Variants in EPB41L4A observed in about 807,000 individuals in gnomAD.
The protein encoded by EPB41L4A is band 4.1-like protein 4A.
In EPB41L4A, 100 loss-of-function variants were observed where a neutral mutation model predicts 108.6. The observed-to-expected ratio is 0.92, with a 90% CI of 0.78 to 1.09. The LOEUF (loss-of-function observed/expected upper bound fraction) is 1.09, where lower values mean the gene tolerates loss of function less well. Among genes scored for constraint, EPB41L4A ranks in the 50% least tolerant of loss-of-function variants. The pLI, the probability that EPB41L4A is intolerant of heterozygous loss-of-function variation, is 0.00. For missense variants in EPB41L4A, 1,030 were observed against 842.7 expected (o/e 1.22, Z -2.75); for synonymous variants, 319 against 289.0 (o/e 1.10, Z -1.05).
At chr5:112,182,219 T>C (rs1172875295) in intron 18 of EPB41L4A, among the ~76,000 whole-genome samples, 1 of 152,196 alleles carries the variant, frequency 6.6e-6, no homozygotes. Context: ...CATTAAACTG[T>C]ACATATAAGA....
intron 1 of EPB41L4A, among the ~76,000 whole-genome samples, chr5:112,392,257 C>A (rs1161125983): frequency 1.3e-4 from 20 of 151,714 alleles, no homozygotes; most frequent in Non-Finnish European, 2.8e-4. Context: ...GCAAAATGCC[C>A]CAATTAAAAG....
chr5:112,316,515 T>A (rs1328675351), intron 1 of EPB41L4A, among the ~76,000 whole-genome samples: 1 of 152,146 alleles, frequency 6.6e-6, no homozygotes, highest in Admixed American at 6.5e-5. Context: ...ACCCCCATTG[T>A]CTGGCCCCCA....
chr5:112,289,005 G>T (rs182033259), intron 2 of EPB41L4A, among the ~76,000 whole-genome samples: 2 of 152,144 alleles, frequency 1.3e-5, no homozygotes, highest in Admixed American at 1.3e-4. Context: ...TATGTAAAAA[G>T]AATATAAATA....
At chr5:112,278,657 G>C (rs1357600366) in intron 3 of EPB41L4A, among the ~76,000 whole-genome samples, 1 of 152,046 alleles carries the variant, frequency 6.6e-6, no homozygotes, top group Non-Finnish European at 1.5e-5. Context: ...CACTTTAAAT[G>C]TGCTTAGGAA....
chr5:112,215,352 T>C (rs978533456), intron 12 of EPB41L4A, among the ~76,000 whole-genome samples: 1 of 152,236 alleles, frequency 6.6e-6, no homozygotes, highest in Non-Finnish European at 1.5e-5. Context: ...CATATGGCTA[T>C]TAAGGCTTTG....
At chr5:112,192,544 CATTCAG>C (rs1329465976) in intron 17 of EPB41L4A, among the ~76,000 whole-genome samples, 3 of 152,198 alleles carry the variant, frequency 2.0e-5, no homozygotes, top group Non-Finnish European at 4.4e-5. Context: ...GTGCATTAAA[CATTCAG>C]AATCACCGTT....
chr5:112,185,874 C>G (rs1173026865), intron 17 of EPB41L4A, among the ~76,000 whole-genome samples: 1 of 152,056 alleles, frequency 6.6e-6, no homozygotes, highest in African/African-American at 2.4e-5. Context: ...TTTTTGTAGC[C>G]AGAACCTACA....
chr5:112,233,532 G>A (rs918164112), intron 12 of EPB41L4A, among the ~76,000 whole-genome samples: 1 of 152,142 alleles, frequency 6.6e-6, no homozygotes, highest in African/African-American at 2.4e-5. Context: ...ACTGGATTCT[G>A]TACAAATGAA....
intron 12 of EPB41L4A, among the ~76,000 whole-genome samples, chr5:112,225,073 C>T (rs1177894045): frequency 2.0e-5 from 3 of 152,204 alleles, no homozygotes; most frequent in East Asian, 3.8e-4. Flanking sequence ...TTCCCAGTTT[C>T]TTTACCCTCT....
chr5:112,419,911 C>G (rs1423617905), upstream of EPB41L4A: 1 of 456,638 alleles, frequency 2.2e-6, no homozygotes, highest in Non-Finnish European at 4.4e-6. Context: ...TCAGGACATT[C>G]AGCAAAGCGG....
In EPB41L4A at chr5:112,240,794, A is replaced by C; in HGVS notation, c.812T>G (p.Phe271Cys). ...VLGKDCNETS[F>C]FFEARSKTAC... ...AGTTTTACTCCGAGCTTCAAAAAAGAATGAGGTTTCGTTACACTAAGAGAG... is the reference window on the plus strand; with the variant it reads ...AGTTTTACTCCGAGCTTCAAAAAAGCATGAGGTTTCGTTACACTAAGAGAG... Residue 271 changes from phenylalanine (F) to cysteine (C), a missense_variant, in exon 10 of 23, where the codon TTC (phenylalanine) becomes TGC (cysteine). Transcript: ENST00000261486. The C allele has an allele frequency of 6.3e-7, 1 of 1,593,204 alleles. No individual in the cohort carries two copies. The highest frequency in any genetic ancestry group is 8.5e-7 in the Non-Finnish European group (1 of 1,173,698).
chr5:112,170,346 C>T lies in EPB41L4A; in HGVS notation c.1694G>A (p.Gly565Glu), dbSNP rs1760502877. 6.2e-7 allele frequency: 1 copy of T among 1,611,518 alleles called. No homozygotes were observed. Among genetic ancestry groups the T allele is most frequent in the African/African-American group, 1.3e-5 (1 of 74,854 alleles). The change falls in exon 20 of 23, where the codon GGA becomes GAA. Residue 565 changes from glycine to glutamate, a missense_variant. Coordinates refer to ENST00000261486, the MANE Select transcript of EPB41L4A (RefSeq NM_022140.5). Reference protein sequence around the residue: ...HIQKELVDPSGLSEEQLKEIP... With the variant: ...HIQKELVDPSELSEEQLKEIP... ...CTCTTTTAATTGTTCTTCGGACAAT[C>T]CGGATGGATCCACAAGTTCTTTTCT...
At chr5:112,172,446 AG>A (rs1760635401) in intron 18 of EPB41L4A, among the ~76,000 whole-genome samples, 1 of 150,352 alleles carries the variant, frequency 6.7e-6, no homozygotes, top group African/African-American at 2.5e-5. Flanking sequence ...TGGGAGGTGG[AG>A]GTTGCAGTAA....
At chr5:112,353,747 T>C (rs1580743122) in intron 1 of EPB41L4A, among the ~76,000 whole-genome samples, 1 of 152,102 alleles carries the variant, frequency 6.6e-6, no homozygotes, top group African/African-American at 2.4e-5. Context: ...TGGGGAATCC[T>C]TGGGTCCCCA....
intron 22 of EPB41L4A, among the ~76,000 whole-genome samples, chr5:112,166,108 T>C (rs749975800): frequency 6.6e-6 from 1 of 152,216 alleles, no homozygotes; most frequent in Non-Finnish European, 1.5e-5. Context: ...TGTCTAGGAT[T>C]GAATCTGTCC....
At chr5:112,240,921 T>C in intron 9 of EPB41L4A, 111 bp from the exon 10 acceptor site, 1 of 617,130 alleles carries the variant, frequency 1.6e-6, no homozygotes. Context: ...AGATTATTGA[T>C]AATATATAAA....
intron 12 of EPB41L4A, among the ~76,000 whole-genome samples, chr5:112,234,330 T>C (rs1340629376): frequency 6.6e-6 from 1 of 151,774 alleles, no homozygotes; most frequent in Non-Finnish European, 1.5e-5. Flanking sequence ...AGCAGTGAGC[T>C]ATAATCATGC....
At position 112,308,240 on chromosome 5, in the gene EPB41L4A, G is replaced by A. The variant is rs565257283; in HGVS notation, c.100-750C>T. Among the ~76,000 whole-genome samples, 33 of 151,956 alleles carry A rather than the reference G, an allele frequency of 2.2e-4. No individual in the cohort carries two copies. In the South Asian group the frequency reaches 6.2e-3, roughly 29 times the overall value. On this transcript the variant is annotated intron_variant, in intron 1 of 22. Transcript: ENST00000261486. ...TAGATACAGCCTCTTCCTTTCTCTC[G>A]CCCCATCTCTGGCTGGTATAATAAG...
chr5:112,142,933 T>C (rs141214174), exon 14 of EPB41L4A: 11 of 152,328 alleles, frequency 7.2e-5, no homozygotes, highest in Admixed American at 6.5e-5. Context: ...AGTAGTTGCG[T>C]GCCAGTGCCA....
Sources: gnomAD v4.1 joint callset for allele counts (sites outside exome capture counted in the v4.1 genomes callset) on GRCh38, gnomAD v4.1.1 for gene constraint, MANE v1.5 for transcripts, NCBI Gene and HGNC (gene_info 2026-07-23, HGNC 2026-07-21) for gene names.